Variants in TXNRD1 observed in about 807,000 individuals in gnomAD.
The protein encoded by TXNRD1 is thioredoxin reductase 1.
Under a neutral mutation model 80.3 loss-of-function variants are expected in TXNRD1, and 57 were observed. The ratio of observed to expected loss-of-function variants is 0.71; its 90% CI spans 0.57 to 0.89. The LOEUF is 0.89. Among genes scored for constraint, TXNRD1 ranks in the 40% least tolerant of loss-of-function variants. The pLI is 0.00. For missense variants in TXNRD1, 730 were observed against 803.0 expected, an observed-to-expected ratio of 0.91 and a Z score of 1.10; for synonymous variants, 291 against 285.2, an observed-to-expected ratio of 1.02 and a Z score of -0.20.
At chr12:104,322,579 C>A (rs2035576933) in intron 10 of TXNRD1, among the ~76,000 whole-genome samples, 1 of 151,786 alleles carries the variant, frequency 6.6e-6, no homozygotes, top group African/African-American at 2.4e-5. Flanking sequence ...GGGCTTTCAC[C>A]ATGTTGGCCA....
intron 2 of TXNRD1, among the ~76,000 whole-genome samples, chr12:104,254,757 G>A (rs1046242618): frequency 5.0e-5 from 5 of 99,500 alleles, no homozygotes; most frequent in African/African-American, 1.1e-4. Context: ...GTTACAGTGA[G>A]CTATGATTAT....
intron 4 of TXNRD1, among the ~76,000 whole-genome samples, chr12:104,297,521 A>G (rs770299288): frequency 5.3e-4 from 80 of 151,940 alleles, no homozygotes; most frequent in Non-Finnish European, 2.4e-4. Context: ...ATGCGCCACC[A>G]CGTCTGGCTA....
intron 3 of TXNRD1, among the ~76,000 whole-genome samples, chr12:104,279,151 G>A (rs2033824397): frequency 6.6e-6 from 1 of 152,198 alleles, no homozygotes; most frequent in Admixed American, 6.5e-5. Context: ...GTCACATGTG[G>A]TGAGTGGCTA....
chr12:104,220,582 G>A (rs577203644), intron 1 of TXNRD1, among the ~76,000 whole-genome samples: 1 of 152,010 alleles, frequency 6.6e-6, no homozygotes, highest in Non-Finnish European at 1.5e-5. Flanking sequence ...AAAATTAGCT[G>A]GGCGTGGTAG....
At chr12:104,316,807 A>G (rs1270539118) in intron 7 of TXNRD1, among the ~76,000 whole-genome samples, 1 of 152,174 alleles carries the variant, frequency 6.6e-6, no homozygotes, top group Non-Finnish European at 1.5e-5. Context: ...TGAAACTCCA[A>G]CCCCTATGTG....
intron 1 of TXNRD1, among the ~76,000 whole-genome samples, chr12:104,240,056 ACT>A (rs979692485): frequency 1.1e-4 from 16 of 152,124 alleles, no homozygotes; most frequent in African/African-American, 3.9e-4. Flanking sequence ...CTTTTCTTGT[ACT>A]GTCTCTGTCT....
rs767067096 is a variant in TXNRD1 at position 104,319,012 on chromosome 12, A to G, written c.830A>G (p.Tyr277Cys). The change falls in exon 8 of 17, where the codon TAT (tyrosine) becomes TGT (cysteine). Residue 277 changes from tyrosine (Y) to cysteine (C), a missense_variant. By Grantham distance (194) the Tyr-to-Cys change is radical. Transcript: ENST00000525566. ...GCTCTGCGGGAGAAAAAAGTCGTCT[A>G]TGAGAATGCTTATGGGCAATTTATT... ...RVALREKKVV[Y>C]ENAYGQFIGP... 3.1e-6 allele frequency: 5 copies of G among 1,613,936 alleles called. No homozygotes were observed. The highest frequency in any genetic ancestry group is 4.5e-5 in the East Asian group (2 of 44,876).
chr12:104,247,282 G>T (rs12305205), intron 1 of TXNRD1, among the ~76,000 whole-genome samples: 2,949 of 151,976 alleles, frequency 0.019, 98 homozygotes, highest in African/African-American at 0.066. Context: ...TGGCCAGGGT[G>T]GTCTCAAACT....
chr12:104,321,912 GT>G (rs2035544569), intron 10 of TXNRD1, among the ~76,000 whole-genome samples: 1 of 151,992 alleles, frequency 6.6e-6, no homozygotes, highest in Admixed American at 6.6e-5. Context: ...AACACTTAGT[GT>G]GTGTCTCAGA....
At chr12:104,270,294 A>G (rs1192651452) in intron 3 of TXNRD1, among the ~76,000 whole-genome samples, 1 of 152,212 alleles carries the variant, frequency 6.6e-6, no homozygotes, top group Non-Finnish European at 1.5e-5. Context: ...ATATTTCTTA[A>G]ATAATAAGAC....
chr12:104,248,816 TTTTTC>T (rs1447074289), intron 1 of TXNRD1, among the ~76,000 whole-genome samples: 1 of 152,128 alleles, frequency 6.6e-6, no homozygotes, highest in Non-Finnish European at 1.5e-5. Context: ...CAGATGTTAG[TTTTTC>T]TTTTCTTTTT....
intron 15 of TXNRD1, 70 bp from the exon 16 acceptor site, chr12:104,339,069 C>G: frequency 6.3e-7 from 1 of 1,581,052 alleles, no homozygotes; most frequent in Non-Finnish European, 8.6e-7. Context: ...GAGAAATGCT[C>G]TAAGCTGTGT....
intron 15 of TXNRD1, among the ~76,000 whole-genome samples, chr12:104,337,911 C>CA (rs2036191590): frequency 6.6e-6 from 1 of 150,818 alleles, no homozygotes; most frequent in Non-Finnish European, 1.5e-5. Context: ...CTCAGCCTCC[C>CA]AAGTAGCTGG....
chr12:104,313,462 G>A (rs2035211639), intron 6 of TXNRD1, 145 bp downstream of exon 6: 8 of 621,368 alleles, frequency 1.3e-5, no homozygotes, highest in Non-Finnish European at 1.6e-5. Flanking sequence ...TCTTTTATTT[G>A]AGCCAAGTTA....
chr12:104,340,816 G>A (rs1268658962), intron 16 of TXNRD1, among the ~76,000 whole-genome samples: 6 of 152,060 alleles, frequency 3.9e-5, no homozygotes, highest in Admixed American at 2.0e-4. Context: ...ATGCCTTTTA[G>A]GGTTATGGGG....
chr12:104,233,949 C>G (rs2032679963), intron 1 of TXNRD1, among the ~76,000 whole-genome samples: 1 of 150,694 alleles, frequency 6.6e-6, no homozygotes, highest in Non-Finnish European at 1.5e-5. Context: ...TGAGTGCAGT[C>G]CATTTAGTTA....
chr12:104,223,576 T>C (rs1025348428), intron 1 of TXNRD1, among the ~76,000 whole-genome samples: 1 of 152,362 alleles, frequency 6.6e-6, no homozygotes, highest in East Asian at 1.9e-4. Flanking sequence ...ATGGTTTCGC[T>C]GTACCATTCC....
At position 104,350,274 on chromosome 12, in the gene TXNRD1, CATT is replaced by C. The variant is rs1401478880; in HGVS notation, c.*1855_*1857del. 2 of 152,136 alleles carry C rather than the reference CATT, an allele frequency of 1.3e-5. No homozygotes were observed. The highest frequency in any genetic ancestry group is 1.5e-5 in the Non-Finnish European group (1 of 68,034). The allele number at this position is 152,136 out of a possible 1,614,324, so 9.4% of individuals were successfully genotyped here. A position where few individuals can be genotyped will look rare whatever the true frequency, so the allele number is the denominator to read the frequency against. On this transcript the variant is annotated 3_prime_UTR_variant, in exon 17 of 17. Transcript: ENST00000525566. ...AATGTGAAACATTAAAATTAAAAGG[CATT>C]AATAATATCCACGTGTGCCTTCTTA...
chr12:104,238,513 T>C (rs752333548), intron 1 of TXNRD1, among the ~76,000 whole-genome samples: 21 of 152,134 alleles, frequency 1.4e-4, no homozygotes, highest in Non-Finnish European at 1.3e-4. Flanking sequence ...AAAAAAAAGA[T>C]GTTGTGGGTT....
Sources: allele counts gnomAD v4.1 joint callset (sites outside exome capture counted in the v4.1 genomes callset), GRCh38; gene constraint gnomAD v4.1.1; transcripts MANE v1.5; gene names NCBI Gene and HGNC (gene_info 2026-07-23, HGNC 2026-07-21).